The following CEP128 variants were observed in gnomAD, a reference collection of about 807,000 sequenced individuals.
CEP128 encodes centrosomal protein 128kDa.
In CEP128, 132 loss-of-function variants were observed where a neutral mutation model predicts 156.7. The observed-to-expected ratio is 0.84, with a 90% CI of 0.73 to 0.97. The LOEUF is 0.97. Ranked by LOEUF, CEP128 falls within the 50% of genes least tolerant of loss-of-function variation. The pLI, the probability that CEP128 is intolerant of heterozygous loss-of-function variation, is 0.00. For synonymous variants in CEP128, 469 were observed against 448.9 expected (o/e 1.04, Z -0.57); for missense variants, 1,252 against 1,281.9 (o/e 0.98, Z 0.36).
At chr14:80,493,946 T>C (rs1887409704), downstream of CEP128, among the ~76,000 whole-genome samples, 2 of 152,256 alleles carry the variant, frequency 1.3e-5, no homozygotes, top group South Asian at 4.1e-4. Flanking sequence ...GTGACTTTTC[T>C]GAAATTTGCT....
chr14:80,913,813 G>A (rs545397706), intron 4 of CEP128, among the ~76,000 whole-genome samples: 2 of 152,158 alleles, frequency 1.3e-5, no homozygotes, highest in Admixed American at 1.3e-4. Flanking sequence ...CCTATCTATT[G>A]GGTACATTGT....
In CEP128 at chr14:80,952,729, A is replaced by G. The variant is rs189274244; in HGVS notation, c.-172+5449T>C. Among the ~76,000 whole-genome samples, 108 of 152,280 alleles carry G rather than the reference A, an allele frequency of 7.1e-4. 1 individual carries two copies. Among genetic ancestry groups the G allele is most frequent in the African/African-American group, 2.5e-3 (103 of 41,572 alleles). Reference sequence around the variant, plus strand: ...AGAAACAAAAATTTGCTTCTTTGAGAATATGAATAAAATTGATAACCCTCT... The same window carrying G: ...AGAAACAAAAATTTGCTTCTTTGAGGATATGAATAAAATTGATAACCCTCT... On this transcript the variant is annotated intron_variant, in intron 2 of 7. Transcript: ENST00000555529.
At chr14:80,789,519 C>T (rs999982566) in intron 14 of CEP128, among the ~76,000 whole-genome samples, 4 of 152,036 alleles carry the variant, frequency 2.6e-5, no homozygotes, top group East Asian at 1.9e-4. Context: ...CTAAGGATGA[C>T]GGCAAGAATT....
intron 19 of CEP128, among the ~76,000 whole-genome samples, chr14:80,601,422 C>T (rs1237790927): frequency 6.6e-6 from 1 of 152,128 alleles, no homozygotes; most frequent in African/African-American, 2.4e-5. Context: ...AAAATTAACA[C>T]TAATGACAGC....
At chr14:80,822,649 A>G (rs1885251868) in intron 13 of CEP128, 2 of 748,394 alleles carry the variant, frequency 2.7e-6, no homozygotes, top group African/African-American at 3.4e-5. Context: ...CCAAGCGTAA[A>G]AAGGCCCCTG....
chr14:80,484,310 T>C (rs533909396), intron 14 of CEP128, among the ~76,000 whole-genome samples: 7 of 152,284 alleles, frequency 4.6e-5, no homozygotes, highest in African/African-American at 1.7e-4. Context: ...AATTTTTCTA[T>C]ATGCTAGACC....
At chr14:80,796,887 A>C (rs1247115054) in intron 13 of CEP128, among the ~76,000 whole-genome samples, 1 of 152,168 alleles carries the variant, frequency 6.6e-6, no homozygotes, top group East Asian at 1.9e-4. Flanking sequence ...CTGAGGACCA[A>C]CTCCTAACAA....
intron 19 of CEP128, among the ~76,000 whole-genome samples, chr14:80,634,141 A>G (rs118104522): frequency 1.5e-3 from 227 of 152,344 alleles, no homozygotes; most frequent in Non-Finnish European, 2.6e-3. Flanking sequence ...GAGAATTACT[A>G]TAAGATTTAA....
intron 20 of CEP128, among the ~76,000 whole-genome samples, chr14:80,574,503 T>A (rs556667964): frequency 7.9e-5 from 12 of 152,254 alleles, no homozygotes; most frequent in African/African-American, 2.6e-4. Flanking sequence ...TATTGAGAGG[T>A]TCATGTACTA....
intron 16 of CEP128, among the ~76,000 whole-genome samples, chr14:80,776,815 C>T (rs1026409726): frequency 1.3e-5 from 2 of 152,066 alleles, no homozygotes; most frequent in Non-Finnish European, 2.9e-5. Context: ...CAATTTCAAA[C>T]CCTTTTAGGA....
chr14:80,729,056 G>GTGTGTGTGTGTGTGTGTGTGTGTGTGT (rs1898133887), intron 19 of CEP128, among the ~76,000 whole-genome samples: 1 of 88,180 alleles, frequency 1.1e-5, no homozygotes, highest in African/African-American at 4.2e-5. Context: ...TGGGCTGGTG[G>GTGTGTGTGTGTGTGTGTGTGTGTGTGT]GGGTGTGTGT....
intron 19 of CEP128, among the ~76,000 whole-genome samples, chr14:80,589,782 CTA>C (rs1458162757): frequency 6.6e-6 from 1 of 152,148 alleles, no homozygotes; most frequent in Non-Finnish European, 1.5e-5. Flanking sequence ...CTGTTTACCA[CTA>C]TATCCTCAGT....
At chr14:80,802,374 C>A (rs899786359) in intron 13 of CEP128, among the ~76,000 whole-genome samples, 1 of 152,092 alleles carries the variant, frequency 6.6e-6, no homozygotes, top group Non-Finnish European at 1.5e-5. Flanking sequence ...GGAATGAGAT[C>A]GTGTCCTCTG....
At position 80,620,008 on chromosome 14, in the gene CEP128, C is replaced by T. The variant is rs542208426; in HGVS notation, c.2807-39585G>A. Among the ~76,000 whole-genome samples, 448 of 151,938 alleles carry T rather than the reference C, an allele frequency of 2.9e-3. 3 individuals carry two copies. The highest frequency in any genetic ancestry group is 0.01 in the African/African-American group (420 of 41,442). On this transcript the variant is annotated intron_variant, in intron 19 of 24. Transcript: ENST00000555265. Reference sequence around the variant, plus strand: ...GGCATGGTGGTGGGCGCCTGTAACCCCAGCTATTCGGGAGGGTGAGGAAGA... The same window carrying T: ...GGCATGGTGGTGGGCGCCTGTAACCTCAGCTATTCGGGAGGGTGAGGAAGA...
chr14:80,915,104 C>T (rs778691844), intron 3 of CEP128, among the ~76,000 whole-genome samples: 7 of 152,088 alleles, frequency 4.6e-5, no homozygotes, highest in South Asian at 2.1e-4. Flanking sequence ...CAGGCTGGAG[C>T]GAAGTGGCAT....
chr14:80,609,668 C>G (rs962902668), intron 19 of CEP128, among the ~76,000 whole-genome samples: 2 of 152,238 alleles, frequency 1.3e-5, no homozygotes, highest in Middle Eastern at 3.4e-3. Context: ...CCAGTACACC[C>G]TAACCAACAG....
In CEP128 at chr14:80,871,780, T is replaced by G. The variant is rs1888040615; in HGVS notation, c.646-8907A>C. On this transcript the variant is annotated intron_variant, in intron 8 of 24. Coordinates refer to ENST00000555265, the MANE Select transcript of CEP128 (RefSeq NM_152446.5). ...TTAAGACTAGAATACCAAAAATTCC[T>G]AAATCTCCATATTTGGTTATAAAAA... is the stretch of plus-strand genomic sequence containing the variant. 2.6e-5 allele frequency among the ~76,000 whole-genome samples: 4 copies of G among 152,236 alleles called. No homozygotes were observed. The South Asian group carries it at 8.3e-4, about 32-fold the overall frequency.
chr14:80,573,655 C>G (rs183934793), intron 20 of CEP128, among the ~76,000 whole-genome samples: 1 of 152,034 alleles, frequency 6.6e-6, no homozygotes, highest in Non-Finnish European at 1.5e-5. Flanking sequence ...GAGAGTGGGT[C>G]CCTGCTCTCA....
At chr14:80,837,353 C>T (rs74064589) in intron 11 of CEP128, among the ~76,000 whole-genome samples, 9,821 of 152,236 alleles carry the variant, frequency 0.065, 1,049 homozygotes, top group African/African-American at 0.22. Flanking sequence ...TTTAAAGTTA[C>T]TGAACTTTAA....
Sources: allele counts gnomAD v4.1 joint callset (sites outside exome capture counted in the v4.1 genomes callset), GRCh38; gene constraint gnomAD v4.1.1; transcripts MANE v1.5; gene names NCBI Gene and HGNC (gene_info 2026-07-23, HGNC 2026-07-21).